The following PPP6R2 variants were observed in gnomAD, a reference collection of about 807,000 sequenced individuals.
PPP6R2 encodes protein phosphatase 6 regulatory subunit 2.
In PPP6R2, 62 loss-of-function variants were observed where a neutral mutation model predicts 100.2. That is an observed-to-expected ratio of 0.62 (90% CI 0.50 to 0.76). The LOEUF is 0.76. Ranked by LOEUF, PPP6R2 falls within the 30% of genes least tolerant of loss-of-function variation. The pLI, the probability that PPP6R2 is intolerant of heterozygous loss-of-function variation, is 0.00. For synonymous variants in PPP6R2, 525 were observed against 514.7 expected (o/e 1.02, Z -0.27); for missense variants, 1,142 against 1,276.3 (o/e 0.89, Z 1.60).
chr22:50,346,990 C>G (rs1400381065), intron 1 of PPP6R2, among the ~76,000 whole-genome samples: 1 of 151,478 alleles, frequency 6.6e-6, no homozygotes, highest in African/African-American at 2.4e-5. Flanking sequence ...ATGTCCCCAC[C>G]TGTCATTGAT....
intron 6 of PPP6R2, 82 bp downstream of exon 6, chr22:50,416,239 A>AG: frequency 8.0e-7 from 1 of 1,251,626 alleles, no homozygotes; most frequent in East Asian, 2.3e-5. Context: ...CCAGGGGGCG[A>AG]GGGAGGGCAA....
At chr22:50,380,316 C>T (rs1166994727) in intron 2 of PPP6R2, among the ~76,000 whole-genome samples, 1 of 151,716 alleles carries the variant, frequency 6.6e-6, no homozygotes, top group African/African-American at 2.4e-5. Flanking sequence ...CGTGATCCAC[C>T]CGCCTCAGCC....
intron 1 of PPP6R2, among the ~76,000 whole-genome samples, chr22:50,369,300 G>T (rs753539406): frequency 7.1e-6 from 1 of 140,612 alleles, no homozygotes; most frequent in Non-Finnish European, 1.5e-5. Flanking sequence ...TAGAAAAGTG[G>T]GCTGAAAGCC....
chr22:50,436,312 C>T, intron 13 of PPP6R2, 55 bp from the exon 14 acceptor site: 1 of 1,507,660 alleles, frequency 6.6e-7, no homozygotes, highest in Admixed American at 2.0e-5. Flanking sequence ...CCCGGGTGCC[C>T]TGCACCATCT....
chr22:50,333,216 C>G, the PPP6R2 span, among the ~76,000 whole-genome samples: 1 of 151,894 alleles, frequency 6.6e-6, no homozygotes, highest in South Asian at 2.1e-4. Flanking sequence ...TTTTTTAATT[C>G]TCTATTCTGT....
At chr22:50,364,430 A>G (rs1167033222) in intron 1 of PPP6R2, among the ~76,000 whole-genome samples, 1 of 152,326 alleles carries the variant, frequency 6.6e-6, no homozygotes, top group East Asian at 1.9e-4. Context: ...TGTCGTAGAA[A>G]CATTTGTTTA....
intron 1 of PPP6R2, among the ~76,000 whole-genome samples, chr22:50,349,212 A>AAG (rs1007612462): frequency 5.4e-5 from 8 of 148,786 alleles, no homozygotes; most frequent in African/African-American, 1.7e-4. Flanking sequence ...AAAAAAAAAA[A>AAG]AAAAAGTTGG....
Position 50,412,673 on chromosome 22 carries a change from G to A in PPP6R2, c.415-1879G>A, listed in dbSNP as rs529960338. Among the ~76,000 whole-genome samples the A allele has an allele frequency of 2.0e-3, 166 of 82,526 alleles. 2 individuals are homozygous for A. The highest frequency in any genetic ancestry group is 7.5e-3 in the African/African-American group (155 of 20,728). 54.1% of individuals were successfully genotyped at this position (82,526 alleles called of 152,430 possible). On this transcript the variant is annotated intron_variant, in intron 4 of 23. Transcript: ENST00000612753. ...TTTTTTTTTTTTGAGACGGAGTCTT[G>A]CTCTGTCACCCAGGCTGGAGTGCAG...
intron 12 of PPP6R2, among the ~76,000 whole-genome samples, chr22:50,432,910 G>A (rs1409999860): frequency 7.4e-5 from 11 of 147,876 alleles, no homozygotes; most frequent in African/African-American, 1.7e-4. Context: ...TGGAGGTCCC[G>A]CCCAACCCTC....
chr22:50,421,139 G>A (rs192209413), intron 8 of PPP6R2, among the ~76,000 whole-genome samples: 2 of 152,034 alleles, frequency 1.3e-5, no homozygotes, highest in East Asian at 3.9e-4. Flanking sequence ...ATACATATTT[G>A]TTAGTTTATT....
At chr22:50,393,286 T>C (rs928262246) in intron 2 of PPP6R2, 1 of 582,058 alleles carries the variant, frequency 1.7e-6, no homozygotes, top group Non-Finnish European at 2.2e-6. Context: ...ATGGGGACGA[T>C]GAGTGGATGG....
chr22:50,331,113 A>C, the PPP6R2 span, among the ~76,000 whole-genome samples: 321 of 152,198 alleles, frequency 2.1e-3, 6 homozygotes, highest in East Asian at 0.036. Context: ...GCCTCACGTT[A>C]TGTTTTTGAG....
chr22:50,339,802 ATG>A (rs1569219124), upstream of PPP6R2, among the ~76,000 whole-genome samples: 2 of 19,692 alleles, frequency 1.0e-4, no homozygotes, highest in Non-Finnish European at 1.7e-4. Flanking sequence ...TGTGTGGGGT[ATG>A]TGTGTGTGGT....
At chr22:50,390,655 G>A (rs541327388) in intron 2 of PPP6R2, among the ~76,000 whole-genome samples, 8 of 151,270 alleles carry the variant, frequency 5.3e-5, no homozygotes, top group East Asian at 2.0e-4. Context: ...GTGAAACTCC[G>A]TCTCAAAAAA....
At chr22:50,415,990 A>G (rs910212867) in intron 5 of PPP6R2, 102 bp from the exon 6 acceptor site, 5 of 1,040,496 alleles carry the variant, frequency 4.8e-6, no homozygotes, top group African/African-American at 3.2e-5. Flanking sequence ...CAAAGAGTCT[A>G]TATTCTAGAA....
chr22:50,373,717 T>A (rs1006184087), intron 2 of PPP6R2, among the ~76,000 whole-genome samples: 1 of 151,646 alleles, frequency 6.6e-6, no homozygotes, highest in Non-Finnish European at 1.5e-5. Context: ...ACGGCTAATT[T>A]ATTTATTTAT....
At chr22:50,331,920 C>T in the PPP6R2 span, among the ~76,000 whole-genome samples, 1 of 151,778 alleles carries the variant, frequency 6.6e-6, no homozygotes, top group Non-Finnish European at 1.5e-5. Flanking sequence ...GCATCCGGCC[C>T]TATTTTATTT....
chr22:50,378,883 TAAAAAAA>T (rs112688457), intron 2 of PPP6R2, among the ~76,000 whole-genome samples: 1 of 128,420 alleles, frequency 7.8e-6, no homozygotes, highest in African/African-American at 2.8e-5. Context: ...CTGTCCCAAT[TAAAAAAA>T]AAAAAAAAAA....
chr22:50,422,462 G>T, intron 9 of PPP6R2, 82 bp downstream of exon 9: 1 of 1,539,344 alleles, frequency 6.5e-7, no homozygotes. Context: ...GCCACAGCTT[G>T]TCCCATAGGT....
Sources: gnomAD v4.1 joint callset for allele counts (sites outside exome capture counted in the v4.1 genomes callset) on GRCh38, gnomAD v4.1.1 for gene constraint, MANE v1.5 for transcripts, NCBI Gene and HGNC (gene_info 2026-07-23, HGNC 2026-07-21) for gene names.